EPM2A: variants seen among roughly 807,000 people sequenced by gnomAD.
EPM2A encodes the protein laforin.
A neutral mutation model predicts 26.5 loss-of-function variants in EPM2A; 21 were observed. That is an observed-to-expected ratio of 0.79 (90% CI 0.56 to 1.14). EPM2A has a LOEUF of 1.14. Among genes scored for constraint, EPM2A ranks in the 50% most tolerant of loss-of-function variants. The pLI is 0.00. For missense variants in EPM2A, 458 were observed against 440.8 expected, an observed-to-expected ratio of 1.04 and a Z score of -0.35; for synonymous variants, 217 against 177.6, an observed-to-expected ratio of 1.22 and a Z score of -1.76.
chr6:145,696,211 A>G (rs367989731), intron 1 of EPM2A, among the ~76,000 whole-genome samples: 1 of 152,298 alleles, frequency 6.6e-6, no homozygotes, highest in South Asian at 2.1e-4. Flanking sequence ...GAAATTAAAG[A>G]ACATCTTCAG....
At chr6:145,452,489 C>CAAAAAAAAAAAAAAAAAAA (rs563777945) in intron 4 of EPM2A, among the ~76,000 whole-genome samples, 2 of 75,862 alleles carry the variant, frequency 2.6e-5, no homozygotes, top group African/African-American at 1.2e-4. Context: ...ACTAAAAATA[C>CAAAAAAAAAAAAAAAAAAA]AAAAAAAAAA....
intron 2 of EPM2A, among the ~76,000 whole-genome samples, chr6:145,517,201 G>T (rs1460188716): frequency 6.6e-6 from 1 of 152,142 alleles, no homozygotes; most frequent in African/African-American, 2.4e-5. Flanking sequence ...AGGGAGAAAT[G>T]GGGAGTTGTT....
At chr6:145,540,194 T>C (rs1413278440) in intron 2 of EPM2A, among the ~76,000 whole-genome samples, 1 of 152,174 alleles carries the variant, frequency 6.6e-6, no homozygotes, top group African/African-American at 2.4e-5. Flanking sequence ...ATGACAATTG[T>C]CTCCTGATCT....
At chr6:145,410,978 C>T (rs1778634767) in intron 4 of EPM2A, among the ~76,000 whole-genome samples, 1 of 152,250 alleles carries the variant, frequency 6.6e-6, no homozygotes, top group Middle Eastern at 3.4e-3. Context: ...CTAATAACAT[C>T]ACAGTTTCAT....
intron 4 of EPM2A, among the ~76,000 whole-genome samples, chr6:145,479,626 A>G (rs1462116082): frequency 6.6e-6 from 1 of 152,040 alleles, no homozygotes; most frequent in African/African-American, 2.4e-5. Flanking sequence ...TTATGGCTCT[A>G]TATGCCACAT....
chr6:145,620,309 G>T (rs117425468), downstream of EPM2A, among the ~76,000 whole-genome samples: 342 of 152,198 alleles, frequency 2.2e-3, 7 homozygotes, highest in East Asian at 0.06. Flanking sequence ...TTCACAATCC[G>T]CTGACAATCT....
At chr6:145,643,554 T>C (rs997996536) in intron 2 of EPM2A, among the ~76,000 whole-genome samples, 1 of 152,196 alleles carries the variant, frequency 6.6e-6, no homozygotes, top group African/African-American at 2.4e-5. Flanking sequence ...TATAGAAATA[T>C]CCACTGTAGA....
intron 1 of EPM2A, among the ~76,000 whole-genome samples, chr6:145,700,083 C>A (rs1181727424): frequency 6.6e-6 from 1 of 152,044 alleles, no homozygotes; most frequent in Non-Finnish European, 1.5e-5. Flanking sequence ...TAAAGAGATG[C>A]CAAAAGATTT....
intron 1 of EPM2A, among the ~76,000 whole-genome samples, chr6:145,690,507 A>C (rs1781210294): frequency 7.6e-6 from 1 of 131,018 alleles, no homozygotes; most frequent in African/African-American, 3.0e-5. Context: ...ACAGAGCGAG[A>C]CTCCGTCTCA....
intron 4 of EPM2A, among the ~76,000 whole-genome samples, chr6:145,471,948 A>G (rs1278629297): frequency 6.6e-6 from 1 of 151,428 alleles, no homozygotes; most frequent in Non-Finnish European, 1.5e-5. Context: ...CAATGCTGGC[A>G]TCATGCCTCC....
rs1775805727 is a variant in EPM2A, at chr6:145,626,335, G to A, written c.*1081C>T. On this transcript the variant is annotated 3_prime_UTR_variant, in exon 4 of 4. Coordinates refer to ENST00000367519, the MANE Select transcript of EPM2A (RefSeq NM_005670.4). The stretch of plus-strand genomic sequence containing the variant: ...ACTAAATTGAGAGCTGAGCCAGGAT[G>A]GCCAAGGCTGTGAAGCAATTATCCA... 2.0e-6 allele frequency: 2 copies of A among 985,888 alleles called. No individual in the cohort carries two copies. The highest frequency in any genetic ancestry group is 2.4e-6 in the Non-Finnish European group (2 of 830,116). 61.1% of individuals were successfully genotyped at this position (985,888 alleles called of 1,614,324 possible). A position where few individuals can be genotyped will look rare whatever the true frequency, so the allele number is the denominator to read the frequency against.
chr6:145,437,136 G>A (rs113078656), intron 4 of EPM2A, among the ~76,000 whole-genome samples: 4 of 152,184 alleles, frequency 2.6e-5, no homozygotes, highest in South Asian at 2.1e-4. Flanking sequence ...GATCATGGGG[G>A]CATATTTCCC....
chr6:145,505,479 G>C (rs1388633120), intron 2 of EPM2A, among the ~76,000 whole-genome samples: 1 of 151,782 alleles, frequency 6.6e-6, no homozygotes, highest in African/African-American at 2.4e-5. Context: ...ATGAATCTAG[G>C]ATGTTCCATT....
chr6:145,431,304 G>T (rs779156872), intron 4 of EPM2A, among the ~76,000 whole-genome samples: 10 of 152,178 alleles, frequency 6.6e-5, no homozygotes, highest in Non-Finnish European at 1.3e-4. Context: ...AAGGAGGATT[G>T]CATCCTGAAT....
At chr6:145,590,552 C>CT (rs1333797999) in intron 2 of EPM2A, among the ~76,000 whole-genome samples, 1 of 152,096 alleles carries the variant, frequency 6.6e-6, no homozygotes, top group African/African-American at 2.4e-5. Context: ...TTCCCCATAC[C>CT]TAACTGCCAC....
chr6:145,646,482 A>G (rs1777474715), intron 2 of EPM2A, among the ~76,000 whole-genome samples: 1 of 152,014 alleles, frequency 6.6e-6, no homozygotes, highest in African/African-American at 2.4e-5. Context: ...GGCCACATAC[A>G]CTTTCTTTCA....
intron 4 of EPM2A, among the ~76,000 whole-genome samples, chr6:145,481,571 T>C (rs1388099333): frequency 6.6e-6 from 1 of 152,066 alleles, no homozygotes; most frequent in Non-Finnish European, 1.5e-5. Context: ...TAATGGATCA[T>C]CTGGCCCCAG....
intron 2 of EPM2A, among the ~76,000 whole-genome samples, chr6:145,576,703 A>T (rs987200286): frequency 6.6e-6 from 1 of 152,228 alleles, no homozygotes; most frequent in African/African-American, 2.4e-5. Flanking sequence ...ATCTGAAAGT[A>T]TAAAACTCAC....
chr6:145,521,407 C>T (rs548295110), intron 2 of EPM2A, among the ~76,000 whole-genome samples: 1 of 152,160 alleles, frequency 6.6e-6, no homozygotes, highest in Non-Finnish European at 1.5e-5. Context: ...ACTTGAAAGT[C>T]CAAATTGAAA....
Sources: gnomAD v4.1 joint callset for allele counts (sites outside exome capture counted in the v4.1 genomes callset) on GRCh38, gnomAD v4.1.1 for gene constraint, MANE v1.5 for transcripts, NCBI Gene and HGNC (gene_info 2026-07-23, HGNC 2026-07-21) for gene names.